Variants in TNK2 observed in about 807,000 individuals in gnomAD.
TNK2 encodes the protein tyrosine kinase non receptor 2.
A neutral mutation model predicts 101.8 loss-of-function variants in TNK2; 83 were observed. That is an observed-to-expected ratio of 0.82 (90% CI 0.68 to 0.98). The LOEUF (loss-of-function observed/expected upper bound fraction) is 0.98, where lower values mean the gene tolerates loss of function less well. Ranked by LOEUF, TNK2 falls within the 50% of genes least tolerant of loss-of-function variation. The pLI is 0.00. For missense variants in TNK2, 1,665 were observed against 1,483.2 expected (o/e 1.12, Z -2.01); for synonymous variants, 804 against 633.0 (o/e 1.27, Z -4.06).
chr3:195,888,036 G>GA lies in TNK2; in HGVS notation c.163+389dup, dbSNP rs1756889622. ...AGAGCAAGAAAGAGAGCGTGAGCACGAATCAGCAAACCATCTGAGAGTTAG... is the reference window on the plus strand; with the variant it reads ...AGAGCAAGAAAGAGAGCGTGAGCACGAAATCAGCAAACCATCTGAGAGTTAG... On this transcript the variant is annotated intron_variant, in intron 2 of 15. Coordinates refer to ENST00000672887, the MANE Select transcript of TNK2 (RefSeq NM_001382273.1). This position sits in a 1 kb window ranked among gnomAD's most constrained non-coding sequence, Gnocchi z 5.3. 6.6e-6 allele frequency among the ~76,000 whole-genome samples: 1 copy of GA among 152,086 alleles called. No homozygotes were observed. Among genetic ancestry groups the GA allele is most frequent in the Non-Finnish European group, 1.5e-5 (1 of 68,024 alleles).
intron 1 of TNK2, chr3:195,908,222 T>C: frequency 6.4e-6 from 1 of 155,578 alleles, no homozygotes; most frequent in Non-Finnish European, 1.4e-5. Context: ...ACCCCTCTCT[T>C]CCCTCTGCAC....
intron 1 of TNK2, among the ~76,000 whole-genome samples, chr3:195,890,936 A>G (rs745497): frequency 0.6 from 90,902 of 152,050 alleles, 28,771 homozygotes; most frequent in African/African-American, 0.82. Flanking sequence ...TGAGGTCTCA[A>G]GATCTGACTC....
chr3:195,874,649 A>G (rs76674096), intron 9 of TNK2, among the ~76,000 whole-genome samples: 1,159 of 12,780 alleles, frequency 0.091, 151 homozygotes, highest in South Asian at 0.16. Context: ...GCCCACGCAC[A>G]CTCCGAGGCA....
chr3:195,885,156 C>A lies in TNK2; in HGVS notation c.235-123G>T. The A allele has an allele frequency of 1.7e-6, 2 of 1,174,984 alleles. No homozygotes were observed. Among genetic ancestry groups the A allele is most frequent in the South Asian group, 1.6e-5 (1 of 61,814 alleles). 72.8% of individuals were successfully genotyped at this position (1,174,984 alleles called of 1,614,324 possible). On this transcript the variant is annotated intron_variant, in intron 3 of 15. Transcript: ENST00000672887. This position sits in a 1 kb window ranked among gnomAD's most constrained non-coding sequence, Gnocchi z 4.7. ...GCTTCCAGATAGGTCCTGGTTTTGC[C>A]AAACTGTCAGTGGGGCAGCCTGGCT... is the stretch of plus-strand genomic sequence containing the variant.
At chr3:195,900,868 CT>C (rs1761137162) in intron 1 of TNK2, among the ~76,000 whole-genome samples, 1 of 152,224 alleles carries the variant, frequency 6.6e-6, no homozygotes, top group East Asian at 1.9e-4. Context: ...GCTCGTCATC[CT>C]GCCTGCTGCC....
Position 195,868,474 on chromosome 3 carries a change from G to C in TNK2, c.1824C>G (p.Ala608=). 6.4e-7 allele frequency: 1 copy of C among 1,552,282 alleles called. No individual in the cohort carries two copies. The highest frequency in any genetic ancestry group is 8.6e-7 in the Non-Finnish European group (1 of 1,160,924). ...RPCAPSLAQL[A]MDACSLLDET... ...CGTCCAGCAGGGAGCAGGCGTCCAT[G>C]GCCAGCTGCGCCAGGGAGGGCGCGC... The change falls in exon 13 of 16, where the codon GCC becomes GCG. Residue 608 remains alanine (A), a synonymous_variant. Coordinates refer to ENST00000672887, the MANE Select transcript of TNK2 (RefSeq NM_001382273.1).
chr3:195,876,684 GC>G (rs1223642133), intron 9 of TNK2: 7 of 453,086 alleles, frequency 1.5e-5, no homozygotes, highest in Non-Finnish European at 2.2e-5. Flanking sequence ...GGGGGAAGGA[GC>G]CCCCAGAGCC....
intron 4 of TNK2, 35 bp from the exon 5 acceptor site, chr3:195,883,344 T>C (rs938393679): frequency 3.1e-6 from 5 of 1,609,272 alleles, no homozygotes; most frequent in Non-Finnish European, 4.2e-6. Flanking sequence ...ACTCAGGACT[T>C]GCCAGGTCCC....
chr3:195,868,335 G>T lies in TNK2; in HGVS notation c.1963C>A (p.Gln655Lys). ...CAGATCTCAAAGTCATCCTCATCCT[G>T]GGCCACGTCGTCATAGGCGGGCGGG... ...PPPPAYDDVA[Q>K]DEDDFEICSI... Residue 655 changes from glutamine to lysine, a missense_variant, in exon 13 of 16, where the codon CAG (glutamine) becomes AAG (lysine). This residue lies in a region of TNK2 where 1,136 missense variants were observed against 894.9 expected (regional missense o/e 1.27). Coordinates refer to ENST00000672887, the MANE Select transcript of TNK2 (RefSeq NM_001382273.1). The T allele has an allele frequency of 6.2e-7, 1 of 1,602,308 alleles. No individual in the cohort carries two copies.
chr3:195,892,543 C>T (rs1292486166), intron 1 of TNK2: 5 of 1,526,420 alleles, frequency 3.3e-6, no homozygotes, highest in African/African-American at 1.4e-5. Flanking sequence ...GGCCTCGGCT[C>T]CGGAGCTTCG....
In TNK2 at chr3:195,885,120, C is replaced by A. The variant is rs942319495; in HGVS notation, c.235-87G>T. 18 of 1,370,200 alleles carry A rather than the reference C, an allele frequency of 1.3e-5. No homozygotes were observed. The Admixed American group carries it at 4.0e-4, about 30-fold the overall frequency. 84.9% of individuals were successfully genotyped at this position (1,370,200 alleles called of 1,614,324 possible). ...CACCCCGCTGGGTCCACCTGGTGAT[C>A]CCCGGCTTCGGCTTCCAGATAGGTC... On this transcript the variant is annotated intron_variant, in intron 3 of 15. Coordinates refer to ENST00000672887, the MANE Select transcript of TNK2 (RefSeq NM_001382273.1). This position sits in a 1 kb window ranked among gnomAD's most constrained non-coding sequence, Gnocchi z 4.7.
In TNK2 at chr3:195,868,483, C is replaced by A. The variant is rs780396349; in HGVS notation, c.1815G>T (p.Ala605=). Residue 605 remains alanine, a synonymous_variant, in exon 13 of 16, where the codon GCG becomes GCT. Coordinates refer to ENST00000672887, the MANE Select transcript of TNK2 (RefSeq NM_001382273.1). ...GGGAGCAGGCGTCCATGGCCAGCTG[C>A]GCCAGGGAGGGCGCGCAGGGCCGTA... ...PALRPCAPSL[A]QLAMDACSLL... is the part of the protein sequence containing the mutation. The A allele has an allele frequency of 5.8e-6, 9 of 1,550,084 alleles. No individual in the cohort carries two copies. The highest frequency in any genetic ancestry group is 2.8e-5 in the African/African-American group (2 of 72,452).
At chr3:195,877,302 C>T (rs1276308269) in intron 9 of TNK2, among the ~76,000 whole-genome samples, 1 of 152,140 alleles carries the variant, frequency 6.6e-6, no homozygotes, top group Non-Finnish European at 1.5e-5. Flanking sequence ...GTGAGGGAGC[C>T]GGGCCTGGGA....
At chr3:195,869,587 C>T in intron 11 of TNK2, 46 bp from the exon 12 acceptor site, 1 of 1,544,814 alleles carries the variant, frequency 6.5e-7, no homozygotes, top group Non-Finnish European at 8.8e-7. Flanking sequence ...CGGAGCAGGA[C>T]AGAGGACAAA....
At chr3:195,892,389 C>A in intron 1 of TNK2, 1 of 1,526,368 alleles carries the variant, frequency 6.6e-7, no homozygotes, top group Non-Finnish European at 8.8e-7. Context: ...CCCCAGCAGT[C>A]CAGCCCCTGC....
intron 1 of TNK2, chr3:195,892,153 G>A (rs1577104073): frequency 1.7e-6 from 1 of 576,750 alleles, no homozygotes; most frequent in Non-Finnish European, 2.7e-6. Flanking sequence ...CTCCAATTCT[G>A]CATGGTCCTG....
intron 15 of TNK2, 27 bp downstream of exon 15, chr3:195,866,862 G>C (rs1257790959): frequency 1.2e-6 from 2 of 1,605,010 alleles, no homozygotes; most frequent in Admixed American, 1.7e-5. Context: ...GGGGCACGGA[G>C]CGGGGCAGAC....
Position 195,870,131 on chromosome 3 carries a change from T to C in TNK2, c.1526A>G (p.His509Arg). 6 of 1,409,304 alleles carry C rather than the reference T, an allele frequency of 4.3e-6. No homozygotes were observed. The highest frequency in any genetic ancestry group is 5.6e-6 in the Non-Finnish European group (6 of 1,068,164). 87.3% of individuals were successfully genotyped at this position (1,409,304 alleles called of 1,614,324 possible). A position where few individuals can be genotyped will look rare whatever the true frequency, so the allele number is the denominator to read the frequency against. Residue 509 changes from histidine (H) to arginine (R), a missense_variant, in exon 11 of 16, where the codon CAT becomes CGT. Around this residue, in one of 3 missense-constraint regions of TNK2, gnomAD observed 1,136 missense variants for 894.9 expected, o/e 1.27. Coordinates refer to ENST00000672887, the MANE Select transcript of TNK2 (RefSeq NM_001382273.1). ...GCTCTTACTTTTCACCCCTCCTAGA[T>C]GCTGGGGGGGCCGGGAGGTGCTCAG... is the stretch of plus-strand genomic sequence containing the variant. ...VELSTSRPPQ[H>R]LGGVKREPPP... is the part of the protein sequence containing the mutation.
chr3:195,876,850 T>C (rs1560501843), intron 9 of TNK2: 3 of 357,118 alleles, frequency 8.4e-6, no homozygotes, highest in Non-Finnish European at 1.7e-5. Flanking sequence ...AAACACCAGC[T>C]CCAGAGACAC....
Sources: gnomAD v4.1 joint callset for allele counts (sites outside exome capture counted in the v4.1 genomes callset) on GRCh38, gnomAD v4.1.1 for gene constraint, gnomAD v4.1.1 regional missense constraint, Gnocchi (gnomAD v3.1) non-coding constraint, MANE v1.5 for transcripts, NCBI Gene and HGNC (gene_info 2026-07-23, HGNC 2026-07-21) for gene names.